Variants in PDCD1LG2 observed in about 807,000 individuals in gnomAD.
PDCD1LG2 encodes the protein B7 dendritic cell molecule.
In PDCD1LG2, 32 loss-of-function variants were observed where a neutral mutation model predicts 28.2. That is an observed-to-expected ratio of 1.13 (90% CI 0.86 to 1.52). The LOEUF is 1.52. Ranked by LOEUF, PDCD1LG2 falls within the 40% of genes most tolerant of loss-of-function variation. PDCD1LG2 has a pLI of 0.00. For missense variants in PDCD1LG2, 385 were observed against 323.8 expected (o/e 1.19, Z -1.45); for synonymous variants, 116 against 120.2 (o/e 0.97, Z 0.23).
At chr9:5,563,450 T>A (rs1196626043) in intron 6 of PDCD1LG2, among the ~76,000 whole-genome samples, 2 of 152,216 alleles carry the variant, frequency 1.3e-5, no homozygotes, top group African/African-American at 4.8e-5. Flanking sequence ...GGACCTCTGG[T>A]CTCACATAGT....
At chr9:5,539,605 G>A (rs1388505799) in intron 3 of PDCD1LG2, among the ~76,000 whole-genome samples, 2 of 152,250 alleles carry the variant, frequency 1.3e-5, no homozygotes, top group African/African-American at 2.4e-5. Flanking sequence ...CTACATTTCT[G>A]GGGGCAATCC....
chr9:5,515,700 G>A (rs1820144037), intron 1 of PDCD1LG2, among the ~76,000 whole-genome samples: 1 of 151,968 alleles, frequency 6.6e-6, no homozygotes, highest in African/African-American at 2.4e-5. Context: ...CGAGGCGGGT[G>A]GATCACGAGG....
At chr9:5,518,880 TC>T (rs375765996) in intron 1 of PDCD1LG2, among the ~76,000 whole-genome samples, 65 of 152,350 alleles carry the variant, frequency 4.3e-4, no homozygotes, top group African/African-American at 1.6e-3. Flanking sequence ...AATGCAACTC[TC>T]AAGAGTATTT....
At chr9:5,552,710 A>C (rs769532553) in intron 4 of PDCD1LG2, among the ~76,000 whole-genome samples, 2 of 152,180 alleles carry the variant, frequency 1.3e-5, no homozygotes, top group African/African-American at 4.8e-5. Flanking sequence ...AGAACTTTGC[A>C]GTGACTAAAT....
At chr9:5,511,362 A>G (rs1820053235) in intron 1 of PDCD1LG2, among the ~76,000 whole-genome samples, 1 of 152,224 alleles carries the variant, frequency 6.6e-6, no homozygotes, top group Non-Finnish European at 1.5e-5. Flanking sequence ...TTTCCATATA[A>G]AATGATCAGC....
intron 2 of PDCD1LG2, among the ~76,000 whole-genome samples, chr9:5,525,445 T>C (rs534380515): frequency 9.0e-4 from 135 of 149,874 alleles, no homozygotes; most frequent in African/African-American, 3.2e-3. Context: ...ATTCCAGGAG[T>C]AGGTCTAGAA....
At chr9:5,514,314 A>G (rs1298047655) in intron 1 of PDCD1LG2, among the ~76,000 whole-genome samples, 1 of 152,222 alleles carries the variant, frequency 6.6e-6, no homozygotes, top group East Asian at 1.9e-4. Context: ...AAGCTTCAGC[A>G]CCACAATTAT....
At chr9:5,538,486 C>A (rs1820625489) in intron 3 of PDCD1LG2, among the ~76,000 whole-genome samples, 1 of 150,956 alleles carries the variant, frequency 6.6e-6, no homozygotes, top group Non-Finnish European at 1.5e-5. Context: ...GAGATCGAGA[C>A]CATCCTGGCT....
At chr9:5,560,273 G>A (rs1470034754) in intron 5 of PDCD1LG2, among the ~76,000 whole-genome samples, 1 of 152,116 alleles carries the variant, frequency 6.6e-6, no homozygotes, top group East Asian at 1.9e-4. Context: ...CCCTCTTATA[G>A]CATGTACTTC....
intron 5 of PDCD1LG2, among the ~76,000 whole-genome samples, chr9:5,558,600 C>G (rs916034496): frequency 6.6e-6 from 1 of 152,192 alleles, no homozygotes; most frequent in Admixed American, 6.5e-5. Flanking sequence ...TGCAGCAGCA[C>G]TATCTGAGGA....
intron 1 of PDCD1LG2, among the ~76,000 whole-genome samples, chr9:5,511,486 G>A (rs767141087): frequency 6.6e-6 from 1 of 152,238 alleles, no homozygotes; most frequent in Non-Finnish European, 1.5e-5. Context: ...GATGGAGGTG[G>A]AGAGGCTAAG....
chr9:5,531,461 G>C (rs892233512), intron 2 of PDCD1LG2, among the ~76,000 whole-genome samples: 1 of 152,168 alleles, frequency 6.6e-6, no homozygotes, highest in East Asian at 1.9e-4. Flanking sequence ...ATTCATGTTT[G>C]CTAATTGCTC....
At chr9:5,525,642 T>TA (rs1484371287) in intron 2 of PDCD1LG2, among the ~76,000 whole-genome samples, 1 of 151,636 alleles carries the variant, frequency 6.6e-6, no homozygotes, top group African/African-American at 2.4e-5. Context: ...TAATATTGAG[T>TA]AAAAAATAAA....
chr9:5,559,658 T>A lies in PDCD1LG2; in HGVS notation c.766+1906T>A, dbSNP rs904286236. 2.0e-5 allele frequency among the ~76,000 whole-genome samples: 3 copies of A among 152,198 alleles called. No individual in the cohort carries two copies. In the South Asian group the frequency reaches 6.2e-4, roughly 32 times the overall value. ...TGGTTCAACTTGGACTACAGAGAAA[T>A]CTTCCTAACTGGTTTCCCTGTATTC... On this transcript the variant is annotated intron_variant, in intron 5 of 6. Coordinates refer to ENST00000397747, the MANE Select transcript of PDCD1LG2 (RefSeq NM_025239.4).
chr9:5,558,181 TCC>T (rs1816484857), intron 5 of PDCD1LG2, among the ~76,000 whole-genome samples: 1 of 152,102 alleles, frequency 6.6e-6, no homozygotes, highest in Non-Finnish European at 1.5e-5. Flanking sequence ...CCACCCCCTC[TCC>T]CAGGAATCTC....
At chr9:5,527,989 C>T (rs1820411407) in intron 2 of PDCD1LG2, among the ~76,000 whole-genome samples, 1 of 151,690 alleles carries the variant, frequency 6.6e-6, no homozygotes, top group Non-Finnish European at 1.5e-5. Context: ...CCACCATGCC[C>T]TTCTTTTGTT....
intron 2 of PDCD1LG2, among the ~76,000 whole-genome samples, chr9:5,524,357 T>C (rs911912220): frequency 7.2e-5 from 11 of 152,236 alleles, no homozygotes; most frequent in African/African-American, 1.2e-4. Context: ...TGGATACGTA[T>C]TGAATGTTTA....
chr9:5,531,450 G>A (rs1820482444), intron 2 of PDCD1LG2, among the ~76,000 whole-genome samples: 1 of 152,168 alleles, frequency 6.6e-6, no homozygotes, highest in Non-Finnish European at 1.5e-5. Context: ...TCAGACATAT[G>A]ATTCATGTTT....
At chr9:5,538,501 T>C (rs372161057) in intron 3 of PDCD1LG2, among the ~76,000 whole-genome samples, 48 of 151,862 alleles carry the variant, frequency 3.2e-4, no homozygotes, top group East Asian at 7.8e-4. Flanking sequence ...CTGGCTAACA[T>C]GGTGAAACCC....
Sources: gnomAD v4.1 joint callset for allele counts (sites outside exome capture counted in the v4.1 genomes callset) on GRCh38, gnomAD v4.1.1 for gene constraint, MANE v1.5 for transcripts, NCBI Gene and HGNC (gene_info 2026-07-23, HGNC 2026-07-21) for gene names.